Variants in KPNA3 observed in about 807,000 individuals in gnomAD.
KPNA3 encodes the protein karyopherin subunit alpha 3, also known as importin subunit alpha-4.
KPNA3 carries 13 observed loss-of-function variants against 73.8 expected under a neutral mutation model. The observed-to-expected ratio is 0.18, with a 90% confidence interval of 0.11 to 0.28. The LOEUF (loss-of-function observed/expected upper bound fraction) is 0.28. Ranked by LOEUF, KPNA3 falls within the 10% of genes least tolerant of loss-of-function variation. The pLI is 1.00. For missense variants in KPNA3, 360 were observed against 618.1 expected (o/e 0.58, Z 4.43); for synonymous variants, 186 against 206.9 (o/e 0.90, Z 0.87).
Position 49,707,805 on chromosome 13 carries a change from T to C in KPNA3, c.1033-1433A>G, listed in dbSNP as rs566648647. Reference sequence around the variant, plus strand: ...TTGTCTTCACTGGAACAAATGTATCTATAAAATGTGTTTTTTGACACCATA... The same window carrying C: ...TTGTCTTCACTGGAACAAATGTATCCATAAAATGTGTTTTTTGACACCATA... On this transcript the variant is annotated intron_variant, in intron 12 of 16. Coordinates refer to ENST00000261667, the MANE Select transcript of KPNA3 (RefSeq NM_002267.4). Among the ~76,000 whole-genome samples the C allele has an allele frequency of 3.3e-5, 5 of 152,262 alleles. No individual in the cohort carries two copies. In the South Asian group the frequency reaches 1.0e-3, roughly 32 times the overall value.
intron 1 of KPNA3, among the ~76,000 whole-genome samples, chr13:49,762,179 C>A (rs1409691626): frequency 6.7e-6 from 1 of 148,154 alleles, no homozygotes; most frequent in Admixed American, 6.7e-5. Flanking sequence ...CCCGGCCAGC[C>A]GCCTCGTCCG....
At chr13:49,764,622 T>A (rs996365090) in intron 1 of KPNA3, among the ~76,000 whole-genome samples, 1 of 152,132 alleles carries the variant, frequency 6.6e-6, no homozygotes, top group African/African-American at 2.4e-5. Context: ...GTGCAAGAGG[T>A]GGCTAGCTGT....
intron 2 of KPNA3, among the ~76,000 whole-genome samples, chr13:49,744,852 T>C (rs995525827): frequency 3.9e-5 from 6 of 152,190 alleles, no homozygotes; most frequent in African/African-American, 1.4e-4. Context: ...TGACACTGAT[T>C]TGCAAAAATT....
chr13:49,746,440 T>C (rs910069238), intron 2 of KPNA3, among the ~76,000 whole-genome samples: 1 of 152,090 alleles, frequency 6.6e-6, no homozygotes, highest in African/African-American at 2.4e-5. Flanking sequence ...ATCACACCAC[T>C]TCACTCCAAC....
At chr13:49,763,847 G>A (rs1228142272) in intron 1 of KPNA3, among the ~76,000 whole-genome samples, 2 of 152,090 alleles carry the variant, frequency 1.3e-5, no homozygotes, top group East Asian at 1.9e-4. Flanking sequence ...TGGGAGGAGT[G>A]TTTCAGCCCA....
Position 49,764,318 on chromosome 13 carries a change from T to C in KPNA3, c.70-17325A>G, listed in dbSNP as rs541286954. ...TAAGTGTGCAACAGAAAAAATAAAT[T>C]ACTCAACCTCCATTATAGGTATAAC... On this transcript the variant is annotated intron_variant, in intron 1 of 16. Coordinates refer to ENST00000261667, the MANE Select transcript of KPNA3 (RefSeq NM_002267.4). Among the ~76,000 whole-genome samples, 243 of 152,172 alleles carry C rather than the reference T, an allele frequency of 1.6e-3. 1 individual carries two copies. Among genetic ancestry groups the C allele is most frequent in the African/African-American group, 5.4e-3 (225 of 41,504 alleles).
chr13:49,752,968 G>T (rs185729109), intron 1 of KPNA3, among the ~76,000 whole-genome samples: 153 of 147,400 alleles, frequency 1.0e-3, no homozygotes, highest in African/African-American at 3.6e-3. Context: ...TGGAGCTTGC[G>T]GTGAGCCGAG....
intron 2 of KPNA3, among the ~76,000 whole-genome samples, chr13:49,737,544 C>T (rs1419002144): frequency 6.8e-6 from 1 of 147,042 alleles, no homozygotes; most frequent in Non-Finnish European, 1.5e-5. Flanking sequence ...TTTTTTCTTA[C>T]TATTAAGTGT....
intron 1 of KPNA3, among the ~76,000 whole-genome samples, chr13:49,750,545 T>C (rs1351618707): frequency 2.0e-5 from 3 of 152,020 alleles, no homozygotes; most frequent in Admixed American, 6.6e-5. Context: ...AGATGGAGGA[T>C]TGCTTAAGCA....
chr13:49,722,637 G>C, intron 7 of KPNA3, 74 bp from the exon 8 acceptor site: 1 of 875,688 alleles, frequency 1.1e-6, no homozygotes, highest in Non-Finnish European at 1.8e-6. Context: ...CAAAGAAATT[G>C]ATCAAATACA....
intron 10 of KPNA3, among the ~76,000 whole-genome samples, chr13:49,712,037 C>G (rs1047665259): frequency 2.0e-5 from 3 of 152,108 alleles, no homozygotes; most frequent in Admixed American, 6.5e-5. Flanking sequence ...AGAGCTGAGC[C>G]CACCTACCAG....
intron 1 of KPNA3, among the ~76,000 whole-genome samples, chr13:49,760,096 G>A (rs1309987887): frequency 6.6e-6 from 1 of 152,086 alleles, no homozygotes; most frequent in Non-Finnish European, 1.5e-5. Flanking sequence ...AGGAAATACA[G>A]AGGGCCAATA....
At chr13:49,713,982 G>C (rs1023985946) in intron 10 of KPNA3, among the ~76,000 whole-genome samples, 53 of 152,264 alleles carry the variant, frequency 3.5e-4, no homozygotes, top group Non-Finnish European at 1.5e-5. Context: ...GGGATTACAG[G>C]CATGAGCCAA....
intron 1 of KPNA3, among the ~76,000 whole-genome samples, chr13:49,786,817 G>A (rs1466981413): frequency 2.0e-5 from 3 of 152,132 alleles, no homozygotes; most frequent in African/African-American, 7.2e-5. Context: ...TCAATGGGAA[G>A]GATCATAAAC....
chr13:49,770,798 C>T (rs1954847402), intron 1 of KPNA3, among the ~76,000 whole-genome samples: 1 of 146,324 alleles, frequency 6.8e-6, no homozygotes, highest in Admixed American at 6.8e-5. Context: ...ACTGTTTTGC[C>T]ACCCTTGCTG....
intron 14 of KPNA3, 48 bp downstream of exon 14, chr13:49,706,050 T>C: frequency 6.7e-7 from 1 of 1,496,454 alleles, no homozygotes; most frequent in Non-Finnish European, 9.2e-7. Context: ...GAGAGCAGCA[T>C]GCTTTCCAGT....
At chr13:49,747,047 A>G in intron 1 of KPNA3, 54 bp from the exon 2 acceptor site, 1 of 1,337,802 alleles carries the variant, frequency 7.5e-7, no homozygotes, top group Non-Finnish European at 1.1e-6. Flanking sequence ...CACTGCTAGT[A>G]TATAAAGATC....
At chr13:49,785,257 TGACAGGTAATAAGGCC>T (rs1594465579) in intron 1 of KPNA3, among the ~76,000 whole-genome samples, 3 of 151,766 alleles carry the variant, frequency 2.0e-5, no homozygotes, top group Admixed American at 2.0e-4. Flanking sequence ...AACAGGAAGG[TGACAGGTAATAAGGCC>T]TAAAGTAGGC....
At chr13:49,706,730 T>C (rs1382688327) in intron 12 of KPNA3, among the ~76,000 whole-genome samples, 1 of 146,972 alleles carries the variant, frequency 6.8e-6, no homozygotes, top group Non-Finnish European at 1.5e-5. Flanking sequence ...GAAATAAATA[T>C]ACAACTGAAT....
Sources: gnomAD v4.1 joint callset for allele counts (sites outside exome capture counted in the v4.1 genomes callset) on GRCh38, gnomAD v4.1.1 for gene constraint, MANE v1.5 for transcripts, NCBI Gene and HGNC (gene_info 2026-07-23, HGNC 2026-07-21) for gene names.